Variants in DLEU7 observed in about 807,000 individuals in gnomAD.
The protein encoded by DLEU7 is deleted in lymphocytic leukemia 7, also known as leukemia-associated protein 7.
Under a neutral mutation model 16.0 loss-of-function variants are expected in DLEU7, and 17 were observed. The observed-to-expected ratio is 1.06, with a 90% confidence interval of 0.73 to 1.59. DLEU7 has a LOEUF of 1.59. Ranked by LOEUF, DLEU7 falls within the 40% of genes most tolerant of loss-of-function variation. The probability of loss-of-function intolerance (pLI) is 0.00; values close to 1 mark genes in which losing one functional copy is unlikely to be tolerated. For missense variants in DLEU7, 308 were observed against 314.9 expected, an observed-to-expected ratio of 0.98 and a Z score of 0.17; for synonymous variants, 113 against 139.8, an observed-to-expected ratio of 0.81 and a Z score of 1.35.
intron 1 of DLEU7, among the ~76,000 whole-genome samples, chr13:50,834,288 C>G (rs1211063542): frequency 6.6e-6 from 1 of 152,020 alleles, no homozygotes; most frequent in Non-Finnish European, 1.5e-5. Context: ...TGCAATCTAT[C>G]CATCCAACAA....
chr13:50,724,875 C>T (rs778054220), intron 1 of DLEU7, among the ~76,000 whole-genome samples: 6 of 152,128 alleles, frequency 3.9e-5, no homozygotes, highest in African/African-American at 7.2e-5. Flanking sequence ...CCCATGCCAG[C>T]GATTAAATGT....
chr13:50,753,726 G>A (rs967867083), intron 1 of DLEU7, among the ~76,000 whole-genome samples: 8 of 152,178 alleles, frequency 5.3e-5, no homozygotes, highest in African/African-American at 1.9e-4. Context: ...GCCAGCTCAG[G>A]CCTTGACCAT....
intron 1 of DLEU7, among the ~76,000 whole-genome samples, chr13:50,767,930 G>C (rs1233872953): frequency 2.0e-5 from 3 of 152,202 alleles, no homozygotes; most frequent in Admixed American, 6.5e-5. Context: ...CATGTCAGCA[G>C]TCCCACGGGA....
At chr13:50,811,111 G>A (rs548853213) in intron 1 of DLEU7, among the ~76,000 whole-genome samples, 150 of 152,276 alleles carry the variant, frequency 9.9e-4, no homozygotes, top group African/African-American at 3.3e-3. Context: ...GCACCTACCA[G>A]GGAGAGCCCT....
intron 1 of DLEU7, among the ~76,000 whole-genome samples, chr13:50,753,066 T>A (rs572317651): frequency 1.3e-5 from 2 of 152,072 alleles, no homozygotes; most frequent in South Asian, 2.1e-4. Flanking sequence ...CCCACCACAG[T>A]ACCTAGATAC....
intron 1 of DLEU7, among the ~76,000 whole-genome samples, chr13:50,745,001 A>G (rs1874353988): frequency 6.6e-6 from 1 of 152,184 alleles, no homozygotes; most frequent in East Asian, 1.9e-4. Flanking sequence ...TATGGAAAAC[A>G]ATGTGGTGGT....
exon 2 of DLEU7, chr13:50,711,904 T>G (rs1242249710): frequency 1.3e-5 from 2 of 149,850 alleles, no homozygotes; most frequent in Non-Finnish European, 3.0e-5. Context: ...TTTTTCTGCG[T>G]AAGAAAAATA....
intron 1 of DLEU7, among the ~76,000 whole-genome samples, chr13:50,731,956 C>T (rs1873924263): frequency 6.6e-6 from 1 of 152,122 alleles, no homozygotes; most frequent in Non-Finnish European, 1.5e-5. Context: ...ATATTAATTG[C>T]ATAAAACTGA....
chr13:50,817,561 G>A (rs1437220293), intron 1 of DLEU7, among the ~76,000 whole-genome samples: 6 of 152,014 alleles, frequency 3.9e-5, no homozygotes, highest in African/African-American at 7.2e-5. Flanking sequence ...TGAAACTCAC[G>A]GATCTACAAG....
chr13:50,803,125 T>G (rs1340582861), intron 1 of DLEU7, among the ~76,000 whole-genome samples: 1 of 152,172 alleles, frequency 6.6e-6, no homozygotes, highest in Non-Finnish European at 1.5e-5. Flanking sequence ...GAAACATTCC[T>G]CAAATTGGAA....
intron 1 of DLEU7, among the ~76,000 whole-genome samples, chr13:50,802,646 A>T (rs1053945897): frequency 6.6e-5 from 10 of 152,186 alleles, no homozygotes; most frequent in Admixed American, 3.3e-4. Flanking sequence ...TGAATAGGTC[A>T]TACATATTTG....
chr13:50,828,539 C>G (rs1877165278), intron 1 of DLEU7, among the ~76,000 whole-genome samples: 1 of 152,094 alleles, frequency 6.6e-6, no homozygotes, highest in Admixed American at 6.5e-5. Flanking sequence ...AAAGAATAAT[C>G]CCTGAAAATC....
chr13:50,804,860 A>G (rs938759208), intron 1 of DLEU7, among the ~76,000 whole-genome samples: 4 of 147,632 alleles, frequency 2.7e-5, no homozygotes, highest in African/African-American at 2.7e-5. Context: ...TTATTTTAAT[A>G]TAGGAAGGAT....
chr13:50,769,461 T>TGTATAAG (rs2137754273), intron 1 of DLEU7, among the ~76,000 whole-genome samples: 1 of 152,350 alleles, frequency 6.6e-6, no homozygotes, highest in South Asian at 2.1e-4. Context: ...TGTTAATTAT[T>TGTATAAG]GTATAAGGTA....
chr13:50,739,313 G>T (rs928189745), intron 1 of DLEU7, among the ~76,000 whole-genome samples: 3 of 152,110 alleles, frequency 2.0e-5, no homozygotes, highest in Non-Finnish European at 4.4e-5. Flanking sequence ...TAGAAGATCT[G>T]CATCATCTGG....
chr13:50,725,272 A>G (rs1399898051), intron 1 of DLEU7, among the ~76,000 whole-genome samples: 3 of 152,144 alleles, frequency 2.0e-5, no homozygotes, highest in African/African-American at 7.2e-5. Context: ...GATTTTGTCA[A>G]TGGGCTCATT....
intron 1 of DLEU7, among the ~76,000 whole-genome samples, chr13:50,730,051 T>C (rs1305883564): frequency 6.6e-6 from 1 of 152,164 alleles, no homozygotes; most frequent in African/African-American, 2.4e-5. Flanking sequence ...AAGAATGTTA[T>C]TAAGAAAATC....
At position 50,795,515 on chromosome 13, in the gene DLEU7, G is replaced by C. The variant is rs1295041804; in HGVS notation, c.459+47673C>G. On this transcript the variant is annotated intron_variant, in intron 1 of 1. Transcript: ENST00000400393. Reference sequence around the variant, plus strand: ...AGATGATGTGAAAAAGGTAGGCTGAGGTTAGATTGGGAAGGACATTGTATG... The same window carrying C: ...AGATGATGTGAAAAAGGTAGGCTGACGTTAGATTGGGAAGGACATTGTATG... Among the ~76,000 whole-genome samples the C allele has an allele frequency of 3.9e-5, 6 of 152,122 alleles. No individual in the cohort carries two copies. In the East Asian group the frequency reaches 1.2e-3, roughly 29 times the overall value.
chr13:50,822,038 G>A (rs150570201), downstream of DLEU7, among the ~76,000 whole-genome samples: 764 of 151,988 alleles, frequency 5.0e-3, 8 homozygotes, highest in African/African-American at 0.018. Flanking sequence ...ACACACTCAT[G>A]CACATGTACA....
Sources: allele counts gnomAD v4.1 joint callset (sites outside exome capture counted in the v4.1 genomes callset), GRCh38; gene constraint gnomAD v4.1.1; transcripts MANE v1.5; gene names NCBI Gene and HGNC (gene_info 2026-07-23, HGNC 2026-07-21).